MRPS23: variants seen among roughly 807,000 people sequenced by gnomAD.
MRPS23 encodes the protein mitochondrial ribosomal protein S23, also known as small ribosomal subunit protein mS23.
In MRPS23, 14 loss-of-function variants were observed where a neutral mutation model predicts 19.8. That is an observed-to-expected ratio of 0.71 (90% CI 0.47 to 1.11). The LOEUF is 1.11. Ranked by LOEUF, MRPS23 falls within the 50% of genes least tolerant of loss-of-function variation. The pLI is 0.00. For synonymous variants in MRPS23, 113 were observed against 89.7 expected (o/e 1.26, Z -1.47); for missense variants, 242 against 236.7 (o/e 1.02, Z -0.15).
At chr17:57,843,529 T>C (rs918635045) in intron 2 of MRPS23, among the ~76,000 whole-genome samples, 32 of 152,304 alleles carry the variant, frequency 2.1e-4, no homozygotes, top group African/African-American at 7.2e-4. Context: ...GAAATCCTAA[T>C]CCCCATTGTG....
intron 2 of MRPS23, among the ~76,000 whole-genome samples, chr17:57,843,295 C>G (rs1213661466): frequency 6.6e-6 from 1 of 151,156 alleles, no homozygotes; most frequent in Non-Finnish European, 1.5e-5. Flanking sequence ...TACACAAACA[C>G]ACACACACAT....
At position 57,836,428 on chromosome 17, in the gene MRPS23, G is replaced by C. The variant is rs1029626285; in HGVS notation, c.*3355C>G. 1.3e-5 allele frequency: 2 copies of C among 152,166 alleles called. No individual in the cohort carries two copies. Among genetic ancestry groups the C allele is most frequent in the Admixed American group, 6.5e-5 (1 of 15,272 alleles). 9.4% of individuals were successfully genotyped at this position (152,166 alleles called of 1,614,324 possible). On this transcript the variant is annotated 3_prime_UTR_variant, in exon 5 of 5. Transcript: ENST00000313608. ...TATTTTCCGAGCACAGACAGCATTT[G>C]AAAACGGCACGGAAGGTTCAATTCC...
At chr17:57,842,983 T>C (rs1046974872) in intron 2 of MRPS23, among the ~76,000 whole-genome samples, 18 of 147,910 alleles carry the variant, frequency 1.2e-4, no homozygotes, top group Non-Finnish European at 2.4e-4. Context: ...AAAATATATA[T>C]ATATATTTAG....
chr17:57,843,962 T>C (rs867925951), intron 2 of MRPS23, among the ~76,000 whole-genome samples: 1 of 152,176 alleles, frequency 6.6e-6, no homozygotes, highest in African/African-American at 2.4e-5. Flanking sequence ...TTTCTTTTTA[T>C]GGCTTCTGAG....
intron 3 of MRPS23, 58 bp from the exon 4 acceptor site, chr17:57,841,110 T>A: frequency 6.2e-7 from 1 of 1,611,404 alleles, no homozygotes; most frequent in Non-Finnish European, 8.5e-7. Flanking sequence ...AAGACGCTGT[T>A]ACACAATATC....
chr17:57,838,379 A>G lies in MRPS23; in HGVS notation c.*1404T>C, dbSNP rs900186124. ...GCAAAAATGGGACATCAATCCAGAC[A>G]TGAAGGAAAAAAACATTTTTTAAAT... On this transcript the variant is annotated 3_prime_UTR_variant, in exon 5 of 5. Coordinates refer to ENST00000313608, the MANE Select transcript of MRPS23 (RefSeq NM_016070.4). 3.2e-4 allele frequency: 49 copies of G among 151,648 alleles called. No individual in the cohort carries two copies. Among genetic ancestry groups the G allele is most frequent in the African/African-American group, 1.2e-3 (48 of 41,292 alleles). 9.4% of individuals were successfully genotyped at this position (151,648 alleles called of 1,614,324 possible).
At chr17:57,846,656 A>G (rs1597953952) in intron 2 of MRPS23, among the ~76,000 whole-genome samples, 1 of 152,194 alleles carries the variant, frequency 6.6e-6, no homozygotes, top group Non-Finnish European at 1.5e-5. Flanking sequence ...GTGTCCACTC[A>G]GGGTTAAATG....
At chr17:57,843,229 T>C (rs185944525) in intron 2 of MRPS23, among the ~76,000 whole-genome samples, 24 of 145,776 alleles carry the variant, frequency 1.6e-4, no homozygotes, top group African/African-American at 4.6e-4. Flanking sequence ...TAAGCCATGA[T>C]AGGCACCACT....
At position 57,838,289 on chromosome 17, in the gene MRPS23, C is replaced by CAAAAAAAAAAAAAAAAAAA. The variant is rs59289595; in HGVS notation, c.*1475_*1493dup. On this transcript the variant is annotated 3_prime_UTR_variant, in exon 5 of 5. Transcript: ENST00000313608. ...TGGGAAACAAAGTGATACTCCATCG[C>CAAAAAAAAAAAAAAAAAAA]AAAAAAAAAAAAAAAAAAAAAAAAA... is the stretch of plus-strand genomic sequence containing the variant. 9 of 29,414 alleles carry CAAAAAAAAAAAAAAAAAAA rather than the reference C, an allele frequency of 3.1e-4. No individual in the cohort carries two copies. Among genetic ancestry groups the CAAAAAAAAAAAAAAAAAAA allele is most frequent in the Non-Finnish European group, 4.1e-4 (6 of 14,794 alleles). The allele number at this position is 29,414 out of a possible 1,614,324, so 1.8% of individuals were successfully genotyped here.
intron 2 of MRPS23, among the ~76,000 whole-genome samples, chr17:57,847,081 G>C (rs1234453931): frequency 6.6e-6 from 1 of 151,328 alleles, no homozygotes; most frequent in Non-Finnish European, 1.5e-5. Context: ...CGGATCACGA[G>C]GTCAGGAGTT....
At chr17:57,846,535 G>A (rs1369928747) in intron 2 of MRPS23, among the ~76,000 whole-genome samples, 2 of 152,226 alleles carry the variant, frequency 1.3e-5, no homozygotes, top group Admixed American at 6.5e-5. Flanking sequence ...TGTGGAAAGA[G>A]GTAGACATGG....
At chr17:57,846,806 A>G (rs914579164) in intron 2 of MRPS23, among the ~76,000 whole-genome samples, 1 of 152,168 alleles carries the variant, frequency 6.6e-6, no homozygotes, top group African/African-American at 2.4e-5. Context: ...CTGCCTAGGA[A>G]AACCAGACAC....
intron 2 of MRPS23, among the ~76,000 whole-genome samples, chr17:57,841,506 C>T (rs2073739851): frequency 6.6e-6 from 1 of 152,208 alleles, no homozygotes; most frequent in South Asian, 2.1e-4. Flanking sequence ...CACCCCAGCC[C>T]CCCAGTTCCC....
At position 57,841,845 on chromosome 17, in the gene MRPS23, G is replaced by A. The variant is rs536917959; in HGVS notation, c.216-585C>T. Among the ~76,000 whole-genome samples the A allele has an allele frequency of 1.8e-3, 268 of 152,284 alleles. 3 individuals are homozygous for A. The highest frequency in any genetic ancestry group is 2.5e-4 in the Non-Finnish European group (17 of 68,026). On this transcript the variant is annotated intron_variant, in intron 2 of 4. Transcript: ENST00000313608. ...GCCTGTAGTCACAGCTACTTGGGAGGGTTAGGTGGGAGAATCACTTGAACC... is the reference window on the plus strand; with the variant it reads ...GCCTGTAGTCACAGCTACTTGGGAGAGTTAGGTGGGAGAATCACTTGAACC...
intron 4 of MRPS23, among the ~76,000 whole-genome samples, chr17:57,840,204 G>A (rs1023095444): frequency 2.0e-5 from 3 of 152,234 alleles, no homozygotes; most frequent in South Asian, 2.1e-4. Flanking sequence ...TGGCTAACAC[G>A]GTGAAACCCC....
At chr17:57,841,875 A>G (rs2073742361) in intron 2 of MRPS23, among the ~76,000 whole-genome samples, 1 of 152,244 alleles carries the variant, frequency 6.6e-6, no homozygotes, top group Non-Finnish European at 1.5e-5. Context: ...TGAACCCAGG[A>G]GGCAGAGGTT....
chr17:57,846,139 C>T (rs2073771889), intron 2 of MRPS23, among the ~76,000 whole-genome samples: 4 of 148,114 alleles, frequency 2.7e-5, no homozygotes, highest in Non-Finnish European at 1.5e-5. Context: ...CCCAGCCAGC[C>T]GCCCCGTCTG....
At position 57,840,634 on chromosome 17, in the gene MRPS23, G is replaced by A. The variant is rs550675515; in HGVS notation, c.420+292C>T. ...CACATATGCAGATTCAACAAACCAC[G>A]GATCAAAAATATTTTAACAATAAAT... is the stretch of plus-strand genomic sequence containing the variant. On this transcript the variant is annotated intron_variant, in intron 4 of 4. Coordinates refer to ENST00000313608, the MANE Select transcript of MRPS23 (RefSeq NM_016070.4). Among the ~76,000 whole-genome samples, 109 of 150,734 alleles carry A rather than the reference G, an allele frequency of 7.2e-4. 1 individual carries two copies. The South Asian group carries it at 9.6e-3, about 13-fold the overall frequency.
chr17:57,845,153 C>G (rs1388655185), intron 2 of MRPS23, among the ~76,000 whole-genome samples: 1 of 152,158 alleles, frequency 6.6e-6, no homozygotes, highest in Non-Finnish European at 1.5e-5. Context: ...CCGCCTCGGC[C>G]TCCTGAAGTG....
Sources: gnomAD v4.1 joint callset for allele counts (sites outside exome capture counted in the v4.1 genomes callset) on GRCh38, gnomAD v4.1.1 for gene constraint, MANE v1.5 for transcripts, NCBI Gene and HGNC (gene_info 2026-07-23, HGNC 2026-07-21) for gene names.